DNAH17: variants seen among roughly 807,000 people sequenced by gnomAD.
The protein encoded by DNAH17 is dynein axonemal heavy chain 17, also known as axonemal beta dynein heavy chain 17.
In DNAH17, 376 loss-of-function variants were observed where a neutral mutation model predicts 485.6. The observed-to-expected ratio is 0.77, with a 90% CI of 0.71 to 0.84. The LOEUF is 0.84. Among genes scored for constraint, DNAH17 ranks in the 40% least tolerant of loss-of-function variants. The pLI is 0.00. For synonymous variants in DNAH17, 3,031 were observed against 2,405.9 expected, an observed-to-expected ratio of 1.26 and a Z score of -7.60; for missense variants, 6,370 against 5,839.3, an observed-to-expected ratio of 1.09 and a Z score of -2.96.
chr17:78,479,484 C>A lies in DNAH17; in HGVS notation c.7900+1G>T, dbSNP rs773239530. The A allele has an allele frequency of 3.1e-6, 5 of 1,610,060 alleles. No individual in the cohort carries two copies. Among genetic ancestry groups the A allele is most frequent in the Admixed American group, 1.7e-5 (1 of 59,194 alleles). On this transcript the variant is annotated splice_donor_variant, in intron 50 of 80. Transcript: ENST00000389840. LOFTEE classifies it high-confidence loss of function. ...AGAGGGGATGAGGCCAGCCAGCTTA[C>A]CCAGGGCCGCGGCCACCAGCTGGCT...
At chr17:78,437,552 G>C (rs913005798) in intron 74 of DNAH17, 89 bp downstream of exon 74, 13 of 964,612 alleles carry the variant, frequency 1.3e-5, no homozygotes, top group Non-Finnish European at 2.0e-5. Context: ...AGAGTTCAGA[G>C]CGGTCCTCAG....
intron 62 of DNAH17, among the ~76,000 whole-genome samples, chr17:78,456,091 G>A (rs891748052): frequency 1.3e-5 from 2 of 152,086 alleles, no homozygotes; most frequent in African/African-American, 4.8e-5. Flanking sequence ...TTGAGGTCAG[G>A]GGGTCGATAC....
At chr17:78,529,104 C>A (rs2091157522) in intron 22 of DNAH17, among the ~76,000 whole-genome samples, 1 of 152,144 alleles carries the variant, frequency 6.6e-6, no homozygotes, top group African/African-American at 2.4e-5. Flanking sequence ...CCACAGCTGG[C>A]TAATTTTCTA....
chr17:78,486,779 C>T (rs2089629779), intron 44 of DNAH17, among the ~76,000 whole-genome samples: 1 of 152,124 alleles, frequency 6.6e-6, no homozygotes, highest in South Asian at 2.1e-4. Flanking sequence ...CAGTTGGAAG[C>T]CATTCTTGCT....
chr17:78,521,965 G>A (rs1414383300), intron 25 of DNAH17, among the ~76,000 whole-genome samples: 6 of 152,286 alleles, frequency 3.9e-5, no homozygotes, highest in South Asian at 2.1e-4. Context: ...CAGCCTGGGC[G>A]ACAGAGTGAG....
intron 56 of DNAH17, among the ~76,000 whole-genome samples, chr17:78,463,457 T>C (rs2088250345): frequency 6.6e-6 from 1 of 152,092 alleles, no homozygotes; most frequent in South Asian, 2.1e-4. Context: ...CATACCTGTA[T>C]ATATACACGT....
rs777406070 is a variant in DNAH17 at position 78,501,887 on chromosome 17, T to C, written c.5191-14A>G. 3.7e-6 allele frequency: 6 copies of C among 1,613,258 alleles called. No homozygotes were observed. Among genetic ancestry groups the C allele is most frequent in the Non-Finnish European group, 4.2e-6 (5 of 1,179,636 alleles). ...CAGCTGGCTAATCTGCGGGGGAGAG[T>C]GCCTTCGATGAGACACCACGGGTGC... On this transcript the variant is annotated splice_polypyrimidine_tract_variant and intron_variant, in intron 33 of 80. Transcript: ENST00000389840.
intron 66 of DNAH17, 59 bp from the exon 67 acceptor site, chr17:78,450,905 G>A (rs919999574): frequency 2.9e-5 from 46 of 1,589,580 alleles, no homozygotes; most frequent in Non-Finnish European, 3.8e-5. Context: ...GGGCACCCGG[G>A]CCTCCCTCAG....
chr17:78,450,826 T>C lies in DNAH17; in HGVS notation c.10755A>G (p.Gln3585=), dbSNP rs1190900763. 5 of 1,613,856 alleles carry C rather than the reference T, an allele frequency of 3.1e-6. No individual in the cohort carries two copies. In the African/African-American group the frequency reaches 5.3e-5, roughly 17 times the overall value. Residue 3585 remains glutamine, a synonymous_variant, in exon 67 of 81, where the codon CAA becomes CAG. Transcript: ENST00000389840. ...CTTTCAGAACAATCTTAAATTCGTT[T>C]TGAGACTTGGTGAGGTTTGCCTGCA... ...EQLKANLTKS[Q]NEFKIVLKEL...
intron 16 of DNAH17, among the ~76,000 whole-genome samples, chr17:78,548,724 G>T (rs1463183314): frequency 2.6e-5 from 4 of 152,208 alleles, no homozygotes; most frequent in Non-Finnish European, 4.4e-5. Flanking sequence ...TTGATTCCAG[G>T]CCTGATGGAC....
chr17:78,458,498 G>A (rs2087918284), intron 62 of DNAH17, 67 bp downstream of exon 62: 2 of 1,380,678 alleles, frequency 1.4e-6, no homozygotes, highest in Middle Eastern at 2.1e-4. Context: ...TCCCAAGGCA[G>A]TTGTGTGGGC....
chr17:78,425,708 A>T, intron 79 of DNAH17, 137 bp from the exon 80 acceptor site: 2 of 648,278 alleles, frequency 3.1e-6, no homozygotes, highest in Admixed American at 3.4e-5. Flanking sequence ...TGGACAGAGT[A>T]GGGGCCATGG....
chr17:78,439,049 G>T, intron 73 of DNAH17, 41 bp downstream of exon 73: 2 of 1,601,892 alleles, frequency 1.2e-6, no homozygotes, highest in Non-Finnish European at 1.7e-6. Context: ...GGCCACCTCA[G>T]TGCGGGGAGC....
intron 25 of DNAH17, chr17:78,522,694 C>T (rs1467140963): frequency 5.0e-6 from 1 of 201,894 alleles, no homozygotes; most frequent in Non-Finnish European, 1.0e-5. Flanking sequence ...TTCCAAAGTT[C>T]AGAGAATGCA....
At chr17:78,489,713 A>C (rs934295466) in intron 44 of DNAH17, 2 of 151,892 alleles carry the variant, frequency 1.3e-5, no homozygotes, top group African/African-American at 4.8e-5. Context: ...TTTTTCTCAG[A>C]AAACCAGCTT....
intron 54 of DNAH17, 90 bp from the exon 55 acceptor site, chr17:78,468,973 T>G (rs1183352618): frequency 3.4e-6 from 5 of 1,472,676 alleles, no homozygotes; most frequent in Non-Finnish European, 4.5e-6. Flanking sequence ...ACAGGGCCAT[T>G]TTTTCTTTGA....
chr17:78,425,661 A>C lies in DNAH17; in HGVS notation c.12916-90T>G, dbSNP rs1038390446. 1.3e-5 allele frequency: 16 copies of C among 1,207,006 alleles called. No homozygotes were observed. The African/African-American group carries it at 2.0e-4, about 15-fold the overall frequency. The allele number at this position is 1,207,006 out of a possible 1,614,324, so 74.8% of individuals were successfully genotyped here. On this transcript the variant is annotated intron_variant, in intron 79 of 80. Coordinates refer to ENST00000389840, the MANE Select transcript of DNAH17 (RefSeq NM_173628.4). ...GGCCGTTCTGAGCAGGGGTCACGCC[A>C]GAACCTTCCACGGGCCACTCAGCGA...
intron 17 of DNAH17, among the ~76,000 whole-genome samples, chr17:78,542,455 G>C (rs375525141): frequency 6.6e-6 from 1 of 152,106 alleles, no homozygotes; most frequent in African/African-American, 2.4e-5. Flanking sequence ...GCCGTTATTT[G>C]AGCTCAAGGG....
At position 78,572,726 on chromosome 17, in the gene DNAH17, C is replaced by A; in HGVS notation, c.514G>T (p.Asp172Tyr). 1 of 1,609,928 alleles carries A rather than the reference C, an allele frequency of 6.2e-7. No individual in the cohort carries two copies. ...CTCTCCATGGACTCCAGCGTGCCAT[C>A]CAGGCTGCCCAGGTGCTCCGGAATA... ...LPIPEHLGSL[D>Y]GTLESMERIP... is the part of the protein sequence containing the mutation. Residue 172 changes from aspartate to tyrosine, a missense_variant, in exon 3 of 81, where the codon GAT (aspartate) becomes TAT (tyrosine). Transcript: ENST00000389840.
Sources: allele counts gnomAD v4.1 joint callset (sites outside exome capture counted in the v4.1 genomes callset), GRCh38; gene constraint gnomAD v4.1.1; transcripts MANE v1.5; gene names NCBI Gene and HGNC (gene_info 2026-07-23, HGNC 2026-07-21).